Variants in SUGCT observed in about 807,000 individuals in gnomAD.
SUGCT encodes the protein succinyl-CoA:glutarate CoA-transferase.
SUGCT carries 41 observed loss-of-function variants against 55.0 expected under a neutral mutation model. The observed-to-expected ratio is 0.74, with a 90% confidence interval of 0.58 to 0.97. The LOEUF (loss-of-function observed/expected upper bound fraction) is 0.97. Ranked by LOEUF, SUGCT falls within the 50% of genes least tolerant of loss-of-function variation. The probability of loss-of-function intolerance (pLI) is 0.00; values close to 1 mark genes in which losing one functional copy is unlikely to be tolerated. For synonymous variants in SUGCT, 187 were observed against 200.4 expected (o/e 0.93, Z 0.56); for missense variants, 568 against 547.8 (o/e 1.04, Z -0.37).
At chr7:40,669,346 CAAAAAAA>C (rs33947436) in intron 12 of SUGCT, among the ~76,000 whole-genome samples, 1,208 of 90,796 alleles carry the variant, frequency 0.013, 19 homozygotes, top group African/African-American at 0.036. Context: ...GTGTAAGCTT[CAAAAAAA>C]AAAAAAAAAA....
intron 12 of SUGCT, among the ~76,000 whole-genome samples, chr7:40,669,422 C>T (rs1801823340): frequency 6.7e-6 from 1 of 148,654 alleles, no homozygotes; most frequent in Admixed American, 6.7e-5. Flanking sequence ...AAAACAGACA[C>T]TCAATAGATG....
At chr7:40,565,999 A>ATG (rs1796123189) in intron 12 of SUGCT, among the ~76,000 whole-genome samples, 2 of 145,142 alleles carry the variant, frequency 1.4e-5, no homozygotes, top group East Asian at 4.2e-4. Flanking sequence ...ACACGCACAC[A>ATG]CACACACACA....
the SUGCT span, among the ~76,000 whole-genome samples, chr7:41,036,761 G>A: frequency 6.6e-6 from 1 of 152,186 alleles, no homozygotes; most frequent in Non-Finnish European, 1.5e-5. Flanking sequence ...CACCTCAGCT[G>A]CCACCAATCT....
At chr7:40,929,691 ATG>A in the SUGCT span, among the ~76,000 whole-genome samples, 2 of 152,162 alleles carry the variant, frequency 1.3e-5, no homozygotes, top group South Asian at 4.2e-4. Context: ...GCATTTTTTC[ATG>A]TGTCTCTTGG....
rs397889166 is a variant in SUGCT, at chr7:40,485,417, C to CTTTT, written c.987-10845_987-10842dup. Reference sequence around the variant, plus strand: ...AGGTATATATATATCTATATACATTCTTTTTTTTTTTTTTTTTTTTTTTTT... The same window carrying CTTTT: ...AGGTATATATATATCTATATACATTCTTTTTTTTTTTTTTTTTTTTTTTTTTTTT... On this transcript the variant is annotated intron_variant, in intron 11 of 13. Coordinates refer to ENST00000335693, the MANE Select transcript of SUGCT (RefSeq NM_001193313.2). Among the ~76,000 whole-genome samples, 644 of 74,306 alleles carry CTTTT rather than the reference C, an allele frequency of 8.7e-3. 2 individuals are homozygous for CTTTT. Among genetic ancestry groups the CTTTT allele is most frequent in the Middle Eastern group, 0.015 (1 of 66 alleles). 48.7% of individuals were successfully genotyped at this position (74,306 alleles called of 152,430 possible).
chr7:40,449,197 C>G, intron 9 of SUGCT, 90 bp from the exon 10 acceptor site: 1 of 811,800 alleles, frequency 1.2e-6, no homozygotes. Context: ...TGCTTTAGAA[C>G]AAGCTTTCTA....
At chr7:40,946,421 C>G in the SUGCT span, among the ~76,000 whole-genome samples, 4 of 152,098 alleles carry the variant, frequency 2.6e-5, no homozygotes, top group Non-Finnish European at 4.4e-5. Context: ...GTTCTCTAGC[C>G]ACTGGGGTAA....
At chr7:40,522,098 C>G (rs1793561470) in intron 12 of SUGCT, among the ~76,000 whole-genome samples, 1 of 151,956 alleles carries the variant, frequency 6.6e-6, no homozygotes, top group African/African-American at 2.4e-5. Flanking sequence ...AAAAGACTTC[C>G]CCTTTTCTGT....
chr7:40,716,201 C>G (rs923876759), intron 12 of SUGCT, among the ~76,000 whole-genome samples: 20 of 152,316 alleles, frequency 1.3e-4, no homozygotes, highest in African/African-American at 4.6e-4. Context: ...CTGTTGAATA[C>G]TGAAGCAGGG....
chr7:41,013,401 C>T, the SUGCT span, among the ~76,000 whole-genome samples: 1 of 152,210 alleles, frequency 6.6e-6, no homozygotes, highest in Non-Finnish European at 1.5e-5. Flanking sequence ...TTTGGCTGAA[C>T]TCACCAGCCC....
At chr7:40,392,414 G>A (rs747056080) in intron 9 of SUGCT, among the ~76,000 whole-genome samples, 3 of 152,162 alleles carry the variant, frequency 2.0e-5, no homozygotes, top group Non-Finnish European at 4.4e-5. Flanking sequence ...GAATCTTAAA[G>A]TATATGGGTT....
chr7:40,225,197 T>A (rs780201025), intron 6 of SUGCT, among the ~76,000 whole-genome samples: 4 of 152,218 alleles, frequency 2.6e-5, no homozygotes, highest in Non-Finnish European at 4.4e-5. Context: ...ACATTTTTCT[T>A]TTTTTGTTCA....
chr7:40,914,551 T>C, the SUGCT span, among the ~76,000 whole-genome samples: 1 of 152,172 alleles, frequency 6.6e-6, no homozygotes, highest in Admixed American at 6.5e-5. Flanking sequence ...ACAGAAATCA[T>C]TGTCAGGAGT....
chr7:40,825,137 T>C (rs534948012), intron 13 of SUGCT, among the ~76,000 whole-genome samples: 2 of 152,284 alleles, frequency 1.3e-5, no homozygotes, highest in Admixed American at 1.3e-4. Flanking sequence ...GACCTGGAAG[T>C]AGTATACACA....
intron 12 of SUGCT, among the ~76,000 whole-genome samples, chr7:40,682,667 G>GT (rs1453560730): frequency 4.0e-5 from 6 of 151,676 alleles, no homozygotes; most frequent in Non-Finnish European, 7.4e-5. Flanking sequence ...AAAACACTTT[G>GT]TTTTTTTTCT....
intron 12 of SUGCT, among the ~76,000 whole-genome samples, chr7:40,564,636 C>T (rs987093095): frequency 3.3e-5 from 5 of 152,148 alleles, no homozygotes; most frequent in African/African-American, 1.2e-4. Flanking sequence ...CATTTAATAT[C>T]TTGACAATGA....
chr7:40,190,244 T>C (rs1051040991), intron 5 of SUGCT, among the ~76,000 whole-genome samples: 1 of 152,170 alleles, frequency 6.6e-6, no homozygotes, highest in Non-Finnish European at 1.5e-5. Context: ...GAGGTAATAA[T>C]AGTACCTACT....
the SUGCT span, among the ~76,000 whole-genome samples, chr7:41,003,169 T>C: frequency 1.3e-5 from 2 of 152,166 alleles, no homozygotes; most frequent in Non-Finnish European, 2.9e-5. Context: ...ACCTACGTAA[T>C]ATTCTGACAT....
At chr7:40,898,570 A>G in the SUGCT span, among the ~76,000 whole-genome samples, 1 of 151,488 alleles carries the variant, frequency 6.6e-6, no homozygotes, top group African/African-American at 2.4e-5. Flanking sequence ...AAAAATACAA[A>G]AAATTATTTT....
Sources: allele counts gnomAD v4.1 joint callset (sites outside exome capture counted in the v4.1 genomes callset), GRCh38; gene constraint gnomAD v4.1.1; transcripts MANE v1.5; gene names NCBI Gene and HGNC (gene_info 2026-07-23, HGNC 2026-07-21).